Variants in KIF1A observed in about 807,000 individuals in gnomAD.
KIF1A encodes kinesin family member 1A.
A neutral mutation model predicts 227.3 loss-of-function variants in KIF1A; 46 were observed. That is an observed-to-expected ratio of 0.20 (90% CI 0.16 to 0.26). KIF1A has a LOEUF of 0.26. Among genes scored for constraint, KIF1A ranks in the 10% least tolerant of loss-of-function variants. The pLI is 1.00. For missense variants in KIF1A, 1,683 were observed against 2,485.9 expected (o/e 0.68, Z 6.87); for synonymous variants, 1,022 against 1,012.8 (o/e 1.01, Z -0.17).
At position 240,778,511 on chromosome 2, in the gene KIF1A, TACACACACACACAC is replaced by T. The variant is rs60462300; in HGVS notation, c.883-2599_883-2586del. ...GGCGCTCGCAGCTCCCGCACAGCGT[TACACACACACACAC>T]ACACACACACACACACACAGGCTTC... On this transcript the variant is annotated intron_variant, in intron 10 of 48. Coordinates refer to ENST00000498729, the MANE Select transcript of KIF1A (RefSeq NM_001244008.2). This position sits in a 1 kb window ranked among gnomAD's most constrained non-coding sequence, Gnocchi z 7.2. 7.5e-6 allele frequency among the ~76,000 whole-genome samples: 1 copy of T among 134,128 alleles called. No homozygotes were observed. Among genetic ancestry groups the T allele is most frequent in the African/African-American group, 3.0e-5 (1 of 32,854 alleles). The allele number at this position is 134,128 out of a possible 152,430, so 88.0% of individuals were successfully genotyped here. A position where few individuals can be genotyped will look rare whatever the true frequency, so the allele number is the denominator to read the frequency against.
chr2:240,807,120 G>GTATA lies in KIF1A; in HGVS notation c.-60-9309_-60-9308insTATA, dbSNP rs375498416. 1.9e-3 allele frequency among the ~76,000 whole-genome samples: 160 copies of GTATA among 82,204 alleles called. 2 individuals carry two copies. The highest frequency in any genetic ancestry group is 0.012 in the African/African-American group (158 of 13,678). The allele number at this position is 82,204 out of a possible 152,430, so 53.9% of individuals were successfully genotyped here. On this transcript the variant is annotated intron_variant, in intron 1 of 48. Coordinates refer to ENST00000498729, the MANE Select transcript of KIF1A (RefSeq NM_001244008.2). ...TGTGTGTGTGTGTGTGTGTGTGTGT[G>GTATA]TGTGTGTGTGTATATATATATATAT... is the stretch of plus-strand genomic sequence containing the variant.
At chr2:240,782,405 C>A (rs575075945) in intron 10 of KIF1A, among the ~76,000 whole-genome samples, 185 bp downstream of exon 10, 1 of 152,328 alleles carries the variant, frequency 6.6e-6, no homozygotes, top group Non-Finnish European at 1.5e-5. Context: ...CCTCCGTCCC[C>A]GCAGGCACAG....
In KIF1A at chr2:240,789,713, G is replaced by A. The variant is rs528024679; in HGVS notation, c.107-401C>T. On this transcript the variant is annotated intron_variant, in intron 2 of 48. Transcript: ENST00000498729. The surrounding 1 kb of genome is among the most constrained non-coding windows in gnomAD (Gnocchi z 4.8). ...CCCCCTGCTCAGGCCTTTATGCTCC[G>A]GCTCAGCGTGCACGTGCCCGAGAAG... 2.0e-5 allele frequency among the ~76,000 whole-genome samples: 3 copies of A among 152,196 alleles called. No individual in the cohort carries two copies. Among genetic ancestry groups the A allele is most frequent in the East Asian group, 1.9e-4 (1 of 5,178 alleles).
intron 28 of KIF1A, among the ~76,000 whole-genome samples, chr2:240,749,065 C>T (rs1221770874): frequency 6.6e-6 from 1 of 151,122 alleles, no homozygotes; most frequent in Non-Finnish European, 1.5e-5. Flanking sequence ...GCAGAGGTTG[C>T]ACAGTGAGCC....
chr2:240,775,931 G>C lies in KIF1A; in HGVS notation c.883-5C>G, dbSNP rs201408083. ...TGTCTTCTTCTTTTTCTTGTTCTGT[G>C]GGGGAGGAACATTCAAGGTCAAGCC... On this transcript the variant is annotated splice_region_variant and splice_polypyrimidine_tract_variant and intron_variant, in intron 10 of 48. Coordinates refer to ENST00000498729, the MANE Select transcript of KIF1A (RefSeq NM_001244008.2). This position sits in a 1 kb window ranked among gnomAD's most constrained non-coding sequence, Gnocchi z 5.5. 4.4e-6 allele frequency: 7 copies of C among 1,599,922 alleles called. No individual in the cohort carries two copies. Among genetic ancestry groups the C allele is most frequent in the East Asian group, 2.2e-5 (1 of 44,820 alleles).
chr2:240,797,722 G>A lies in KIF1A; in HGVS notation c.31C>T (p.Arg11Trp), dbSNP rs548204329. 6.2e-7 allele frequency: 1 copy of A among 1,611,478 alleles called. No homozygotes were observed. Among genetic ancestry groups the A allele is most frequent in the Non-Finnish European group, 8.5e-7 (1 of 1,179,414 alleles). The part of the protein sequence containing the change: MAGASVKVAV[R>W]VRPFNSREMS... ...TCCCGGGAATTGAAGGGGCGGACCC[G>A]CACCGCCACCTTCACCGAAGCCCCG... Residue 11 changes from arginine (R) to tryptophan (W), a missense_variant, in exon 2 of 49, where the codon CGG (arginine) becomes TGG (tryptophan). Arg to Trp is a moderately radical substitution (Grantham distance 101). Around this residue, in one of 12 missense-constraint regions of KIF1A, gnomAD observed 71 missense variants for 129.1 expected, o/e 0.55. Transcript: ENST00000498729.
chr2:240,811,663 A>G (rs1490965453), intron 1 of KIF1A, among the ~76,000 whole-genome samples: 3 of 152,152 alleles, frequency 2.0e-5, no homozygotes, highest in African/African-American at 7.2e-5. Context: ...CATCAGAAAC[A>G]AGAAGCATGA....
intron 32 of KIF1A, among the ~76,000 whole-genome samples, 184 bp downstream of exon 32, chr2:240,745,243 T>G (rs1529665): frequency 6.6e-6 from 1 of 151,782 alleles, no homozygotes; most frequent in Non-Finnish European, 1.5e-5. Context: ...CAGCTGTAAA[T>G]CCATCAAGGG....
intron 1 of KIF1A, among the ~76,000 whole-genome samples, chr2:240,811,213 A>G (rs1223242847): frequency 6.6e-6 from 1 of 152,080 alleles, no homozygotes; most frequent in East Asian, 1.9e-4. Context: ...AAAAATACAA[A>G]AATTAGCTCA....
In KIF1A at chr2:240,808,489, T is replaced by C. The variant is rs149884396; in HGVS notation, c.-60-10677A>G. Reference sequence around the variant, plus strand: ...GCCTGAGCAACATAGCAAGACCCATTTCTAAAACAAAAAAAAAAAATTTTT... The same window carrying C: ...GCCTGAGCAACATAGCAAGACCCATCTCTAAAACAAAAAAAAAAAATTTTT... On this transcript the variant is annotated intron_variant, in intron 1 of 48. Coordinates refer to ENST00000498729, the MANE Select transcript of KIF1A (RefSeq NM_001244008.2). Among the ~76,000 whole-genome samples, 873 of 136,262 alleles carry C rather than the reference T, an allele frequency of 6.4e-3. 11 individuals carry two copies. The highest frequency in any genetic ancestry group is 0.022 in the African/African-American group (825 of 36,922). The allele number at this position is 136,262 out of a possible 152,430, so 89.4% of individuals were successfully genotyped here.
chr2:240,757,166 C>T lies in KIF1A; in HGVS notation c.2858+153G>A, dbSNP rs531811017. Among the ~76,000 whole-genome samples the T allele has an allele frequency of 2.6e-4, 40 of 152,322 alleles. No homozygotes were observed. The highest frequency in any genetic ancestry group is 2.5e-3 in the East Asian group (13 of 5,178). ...CAAGGATGCAGGGCCCGGGGGCCCTCGGGTGCTCTCCTCAGGAGGCCAGCC... is the reference window on the plus strand; with the variant it reads ...CAAGGATGCAGGGCCCGGGGGCCCTTGGGTGCTCTCCTCAGGAGGCCAGCC... On this transcript the variant is annotated intron_variant, in intron 27 of 48. Transcript: ENST00000498729. This position sits in a 1 kb window ranked among gnomAD's most constrained non-coding sequence, Gnocchi z 6.2.
intron 25 of KIF1A, among the ~76,000 whole-genome samples, chr2:240,759,556 T>G (rs2050259699): frequency 6.6e-6 from 1 of 151,774 alleles, no homozygotes; most frequent in South Asian, 2.1e-4. Context: ...GGCTGTGGCC[T>G]GGGCCTTCCC....
intron 32 of KIF1A, 140 bp downstream of exon 32, chr2:240,745,287 G>T: frequency 1.4e-6 from 1 of 729,920 alleles, no homozygotes; most frequent in Non-Finnish European, 2.4e-6. Flanking sequence ...CCTACACCCT[G>T]CCTGGCACTG....
intron 28 of KIF1A, among the ~76,000 whole-genome samples, chr2:240,747,709 C>T (rs1479787024): frequency 6.6e-6 from 1 of 152,232 alleles, no homozygotes; most frequent in Non-Finnish European, 1.5e-5. Flanking sequence ...CACAAAGTGC[C>T]TCTGCCACCA....
intron 46 of KIF1A, 142 bp downstream of exon 46, chr2:240,719,632 C>T: frequency 1.0e-6 from 1 of 998,474 alleles, no homozygotes; most frequent in Non-Finnish European, 1.4e-6. Flanking sequence ...CCTGCCTGAA[C>T]CTCCAGTATG....
intron 10 of KIF1A, among the ~76,000 whole-genome samples, chr2:240,779,716 C>CCACA: frequency 6.6e-6 from 1 of 152,188 alleles, no homozygotes; most frequent in African/African-American, 2.4e-5. Context: ...CCTCACAGTT[C>CCACA]CTCACTCAGT....
At chr2:240,819,813 G>A (rs904275802) in intron 1 of KIF1A, among the ~76,000 whole-genome samples, 13 of 152,166 alleles carry the variant, frequency 8.5e-5, no homozygotes, top group Admixed American at 5.2e-4. Flanking sequence ...GCCCTCCCGA[G>A]GGCGACCCCC....
At chr2:240,763,796 A>G (rs1184941735) in intron 20 of KIF1A, among the ~76,000 whole-genome samples, 1 of 152,024 alleles carries the variant, frequency 6.6e-6, no homozygotes, top group African/African-American at 2.4e-5. Flanking sequence ...CCCCGACTAG[A>G]CTGGAAGCAG....
intron 33 of KIF1A, 29 bp downstream of exon 33, chr2:240,743,913 C>T: frequency 1.4e-6 from 2 of 1,447,188 alleles, no homozygotes; most frequent in Non-Finnish European, 9.7e-7. Context: ...AGGACAGCAG[C>T]CCCGAACCCC....
Sources: gnomAD v4.1 joint callset for allele counts (sites outside exome capture counted in the v4.1 genomes callset) on GRCh38, gnomAD v4.1.1 for gene constraint, gnomAD v4.1.1 regional missense constraint, Gnocchi (gnomAD v3.1) non-coding constraint, MANE v1.5 for transcripts, NCBI Gene and HGNC (gene_info 2026-07-23, HGNC 2026-07-21) for gene names.